The following DCAF5 variants were observed in gnomAD, a reference collection of about 807,000 sequenced individuals.
The protein encoded by DCAF5 is DDB1 and CUL4 associated factor 5.
A neutral mutation model predicts 80.7 loss-of-function variants in DCAF5; 9 were observed. The ratio of observed to expected loss-of-function variants is 0.11; its 90% CI spans 0.07 to 0.19. The LOEUF is 0.19. Among genes scored for constraint, DCAF5 ranks in the 10% least tolerant of loss-of-function variants. The pLI, the probability that DCAF5 is intolerant of heterozygous loss-of-function variation, is 1.00. For synonymous variants in DCAF5, 433 were observed against 461.9 expected (o/e 0.94, Z 0.80); for missense variants, 842 against 1,205.7 (o/e 0.70, Z 4.47).
intron 5 of DCAF5, among the ~76,000 whole-genome samples, chr14:69,097,511 T>C (rs2039766255): frequency 6.6e-6 from 1 of 151,990 alleles, no homozygotes; most frequent in Admixed American, 6.6e-5. Context: ...TTCTATTCTA[T>C]ATTTTTTATT....
At chr14:69,109,942 A>G (rs932523438) in intron 5 of DCAF5, among the ~76,000 whole-genome samples, 2 of 152,212 alleles carry the variant, frequency 1.3e-5, no homozygotes, top group African/African-American at 4.8e-5. Flanking sequence ...CCTAAAATGT[A>G]TGAGTGTTTC....
chr14:69,115,993 G>A (rs1014002213), intron 5 of DCAF5, among the ~76,000 whole-genome samples: 1 of 151,974 alleles, frequency 6.6e-6, no homozygotes. Flanking sequence ...AACAAGTTTG[G>A]CAAATCTCCA....
chr14:69,077,207 T>C (rs1473236997), intron 6 of DCAF5, among the ~76,000 whole-genome samples: 1 of 152,098 alleles, frequency 6.6e-6, no homozygotes, highest in Non-Finnish European at 1.5e-5. Flanking sequence ...TGTTTTCCTT[T>C]TGTGTGTGTG....
chr14:69,071,827 T>C (rs1178796614), intron 7 of DCAF5, among the ~76,000 whole-genome samples: 3 of 152,206 alleles, frequency 2.0e-5, no homozygotes, highest in Non-Finnish European at 2.9e-5. Flanking sequence ...TTTATAGCTA[T>C]GCATTAATTG....
At position 69,054,706 on chromosome 14, in the gene DCAF5, A is replaced by C. The variant is rs1244914292; in HGVS notation, c.1980T>G (p.Ile660Met). 1 of 1,614,136 alleles carries C rather than the reference A, an allele frequency of 6.2e-7. No individual in the cohort carries two copies. Among genetic ancestry groups the C allele is most frequent in the Non-Finnish European group, 8.5e-7 (1 of 1,180,014 alleles). Residue 660 changes from isoleucine to methionine, a missense_variant, in exon 9 of 9, where the codon ATT (isoleucine) becomes ATG (methionine). Physicochemically the swap from Ile to Met is conservative, Grantham distance 10. Coordinates refer to ENST00000341516, the MANE Select transcript of DCAF5 (RefSeq NM_003861.3). ...AGCGGAGCCACTTGTAAGCTTTATA[A>C]ATTTTTCGCTCAACTGATTCTATGT... Reference protein sequence around the residue: ...TSDIESVERKIYKAYKWLRYS... With the variant: ...TSDIESVERKMYKAYKWLRYS...
At chr14:69,084,855 A>G (rs2039257333) in intron 6 of DCAF5, 1 of 1,147,464 alleles carries the variant, frequency 8.7e-7, no homozygotes, top group African/African-American at 1.5e-5. Flanking sequence ...GACATTACTG[A>G]AGTCAACTGG....
Position 69,054,821 on chromosome 14 carries a change from A to G in DCAF5, c.1865T>C (p.Val622Ala). The part of the protein sequence containing the change: ...EDNYDYPQIK[V>A]DDLSSSPTSS... ...GGTTGGGGAGGAGGAGAGGTCATCC[A>G]CTTTGATCTGGGGGTAATCATAGTT... Residue 622 changes from valine (V) to alanine (A), a missense_variant, in exon 9 of 9, where the codon GTG (valine) becomes GCG (alanine). This residue lies in a region of DCAF5 where 607 missense variants were observed against 656.6 expected (regional missense o/e 0.92). Transcript: ENST00000341516. The G allele has an allele frequency of 6.2e-7, 1 of 1,614,170 alleles. No individual in the cohort carries two copies. The highest frequency in any genetic ancestry group is 2.2e-5 in the East Asian group (1 of 44,888).
At chr14:69,106,821 C>T (rs112905717) in intron 5 of DCAF5, among the ~76,000 whole-genome samples, 1,625 of 152,246 alleles carry the variant, frequency 0.011, 33 homozygotes, top group African/African-American at 0.037. Flanking sequence ...GAGTGGATCA[C>T]TTGAAGTCAG....
chr14:69,101,203 T>C (rs2140002606), intron 5 of DCAF5, among the ~76,000 whole-genome samples: 1 of 152,348 alleles, frequency 6.6e-6, no homozygotes, highest in Non-Finnish European at 1.5e-5. Flanking sequence ...GCTGTGGAGA[T>C]GGATTATTCC....
rs186831797 is a variant in DCAF5, at chr14:69,135,168, T to C, written c.215-12808A>G. On this transcript the variant is annotated intron_variant, in intron 1 of 8. Transcript: ENST00000341516. ...GTCAAAATTTTTTTCGCAATAACAC[T>C]ACAATGTTATTTGCCTTTTTCACTG... Among the ~76,000 whole-genome samples, 35 of 152,342 alleles carry C rather than the reference T, an allele frequency of 2.3e-4. No homozygotes were observed. In the East Asian group the frequency reaches 6.4e-3, roughly 28 times the overall value.
At chr14:69,072,697 G>T (rs2038746217) in intron 7 of DCAF5, among the ~76,000 whole-genome samples, 1 of 150,574 alleles carries the variant, frequency 6.6e-6, no homozygotes, top group African/African-American at 2.4e-5. Flanking sequence ...AGTGGCAGAA[G>T]GGTTGAATCC....
At chr14:69,121,988 G>A (rs1487104688) in intron 2 of DCAF5, among the ~76,000 whole-genome samples, 1 of 151,812 alleles carries the variant, frequency 6.6e-6, no homozygotes, top group Non-Finnish European at 1.5e-5. Flanking sequence ...CTGCCAAAGA[G>A]AAATAAAGAA....
In DCAF5 at chr14:69,054,033, C is replaced by T. The variant is rs766102697; in HGVS notation, c.2653G>A (p.Gly885Arg). 10 of 1,612,740 alleles carry T rather than the reference C, an allele frequency of 6.2e-6. No homozygotes were observed. Among genetic ancestry groups the T allele is most frequent in the South Asian group, 1.1e-5 (1 of 91,018 alleles). ...GGGGTCTCACAGGCCATTTCAGACCCGCAACAATCTTTGTGTAGGAGTGTC... is the reference window on the plus strand; with the variant it reads ...GGGGTCTCACAGGCCATTTCAGACCTGCAACAATCTTTGTGTAGGAGTGTC... ...TGTLLHKDCC[G>R]SEMACETPNA... The change falls in exon 9 of 9, where the codon GGG becomes AGG. Residue 885 changes from glycine (G) to arginine (R), a missense_variant. By Grantham distance (125) the Gly-to-Arg change is moderately radical (BLOSUM62 -2). Around this residue, in one of 5 missense-constraint regions of DCAF5, gnomAD observed 607 missense variants for 656.6 expected, o/e 0.92. Transcript: ENST00000341516.
At chr14:69,115,511 G>A (rs1010166660) in intron 5 of DCAF5, among the ~76,000 whole-genome samples, 3 of 152,168 alleles carry the variant, frequency 2.0e-5, no homozygotes, top group Non-Finnish European at 4.4e-5. Flanking sequence ...ACTGCTTTAT[G>A]AAGTGGGAAA....
At position 69,084,935 on chromosome 14, in the gene DCAF5, C is replaced by T. The variant is rs1445570462; in HGVS notation, c.879+6739G>A. ...ATCGTGTGGGTAGAACAGCCAGAGA[C>T]CTAAATGGGAGAAGGCATGCCTTGC... On this transcript the variant is annotated intron_variant, in intron 6 of 8. Coordinates refer to ENST00000341516, the MANE Select transcript of DCAF5 (RefSeq NM_003861.3). 14 of 1,429,294 alleles carry T rather than the reference C, an allele frequency of 9.8e-6. No individual in the cohort carries two copies. The African/African-American group carries it at 1.7e-4, about 17-fold the overall frequency. The allele number at this position is 1,429,294 out of a possible 1,614,324, so 88.5% of individuals were successfully genotyped here. A position where few individuals can be genotyped will look rare whatever the true frequency, so the allele number is the denominator to read the frequency against.
intron 6 of DCAF5, among the ~76,000 whole-genome samples, chr14:69,076,481 A>G (rs539468924): frequency 1.3e-5 from 2 of 152,378 alleles, no homozygotes; most frequent in African/African-American, 2.4e-5. Flanking sequence ...ATTCTGACAC[A>G]TGCTACAACA....
chr14:69,123,977 C>T (rs1424848310), intron 1 of DCAF5, among the ~76,000 whole-genome samples: 2 of 152,120 alleles, frequency 1.3e-5, no homozygotes, highest in East Asian at 1.9e-4. Flanking sequence ...GGATTACAGG[C>T]GTGAATCACT....
rs1198311667 is a variant in DCAF5 at position 69,054,918 on chromosome 14, G to C, written c.1768C>G (p.Arg590Gly). The change falls in exon 9 of 9, where the codon CGA (arginine) becomes GGA (glycine). Residue 590 changes from arginine (R) to glycine (G), a missense_variant. This residue lies in a region of DCAF5 where 607 missense variants were observed against 656.6 expected (regional missense o/e 0.92). Transcript: ENST00000341516. ...STWQRNAMRRRQKTTREDKPS... is the reference protein window; with the variant it reads ...STWQRNAMRRGQKTTREDKPS... Reference sequence around the variant, plus strand: ...TTGTCTTCTCGGGTTGTCTTCTGTCGGCGCCGCATGGCATTCCGCTGCCAG... The same window carrying C: ...TTGTCTTCTCGGGTTGTCTTCTGTCCGCGCCGCATGGCATTCCGCTGCCAG... 6.2e-7 allele frequency: 1 copy of C among 1,614,198 alleles called. No homozygotes were observed. Among genetic ancestry groups the C allele is most frequent in the South Asian group, 1.1e-5 (1 of 91,088 alleles).
chr14:69,070,805 T>A (rs1279993530), intron 7 of DCAF5, among the ~76,000 whole-genome samples: 1 of 148,308 alleles, frequency 6.7e-6, no homozygotes, highest in East Asian at 1.9e-4. Context: ...TTTTTTTTTG[T>A]TTTTCTTTTT....
Sources: gnomAD v4.1 joint callset for allele counts (sites outside exome capture counted in the v4.1 genomes callset) on GRCh38, gnomAD v4.1.1 for gene constraint, gnomAD v4.1.1 regional missense constraint, MANE v1.5 for transcripts, NCBI Gene and HGNC (gene_info 2026-07-23, HGNC 2026-07-21) for gene names.